TIPIN: variants seen among roughly 807,000 people sequenced by gnomAD.
TIPIN encodes the protein TIMELESS interacting protein, also known as TIMELESS-interacting protein.
In TIPIN, 29 loss-of-function variants were observed where a neutral mutation model predicts 35.6. The ratio of observed to expected loss-of-function variants is 0.82; its 90% CI spans 0.61 to 1.11. The LOEUF (loss-of-function observed/expected upper bound fraction) is 1.11. Among genes scored for constraint, TIPIN ranks in the 50% most tolerant of loss-of-function variants. The pLI is 0.00. For synonymous variants in TIPIN, 102 were observed against 121.5 expected (o/e 0.84, Z 1.06); for missense variants, 296 against 345.4 (o/e 0.86, Z 1.13).
upstream of TIPIN, among the ~76,000 whole-genome samples, chr15:66,358,586 T>A (rs191280316): frequency 5.5e-3 from 843 of 152,240 alleles, 10 homozygotes; most frequent in African/African-American, 0.019. Flanking sequence ...GCTAATTTTT[T>A]AAATTTTTTG....
intron 1 of TIPIN, among the ~76,000 whole-genome samples, chr15:66,353,609 C>G (rs1302158553): frequency 7.0e-6 from 1 of 142,790 alleles, no homozygotes; most frequent in African/African-American, 2.8e-5. Context: ...GACCAACACT[C>G]TGTCTCAAAA....
In TIPIN at chr15:66,341,299, A is replaced by G. The variant is rs956802987; in HGVS notation, c.533T>C (p.Leu178Pro). 2 of 1,613,866 alleles carry G rather than the reference A, an allele frequency of 1.2e-6. No individual in the cohort carries two copies. The highest frequency in any genetic ancestry group is 2.7e-5 in the African/African-American group (2 of 74,930). Residue 178 changes from leucine to proline, a missense_variant, in exon 7 of 8, where the codon CTG becomes CCG. By Grantham distance (98) the Leu-to-Pro change is moderately conservative. Transcript: ENST00000261881. ...DVTSTELDPF[L>P]TNLSESEMFA... is the part of the protein sequence containing the mutation. ...CATCTCACTTTCAGATAAGTTTGTC[A>G]GAAAGGGATCTAATTCAGTAGAAGT...
intron 1 of TIPIN, among the ~76,000 whole-genome samples, chr15:66,354,711 C>G (rs2093191879): frequency 6.6e-6 from 1 of 152,180 alleles, no homozygotes; most frequent in Admixed American, 6.6e-5. Flanking sequence ...ATCCCTCAGG[C>G]CACTGGCTCT....
chr15:66,340,605 CT>C lies in TIPIN; in HGVS notation c.682+544del, dbSNP rs563593238. Among the ~76,000 whole-genome samples the C allele has an allele frequency of 1.1e-4, 17 of 148,088 alleles. No homozygotes were observed. The East Asian group carries it at 2.2e-3, about 19-fold the overall frequency. On this transcript the variant is annotated intron_variant, in intron 7 of 7. Transcript: ENST00000261881. ...CAATTTCAAGTGATTAAAATAAATT[CT>C]TTTTTTTTTGAGAGCGTCTCACTCA...
chr15:66,356,782 A>G (rs2093207098), upstream of TIPIN: 1 of 971,670 alleles, frequency 1.0e-6, no homozygotes, highest in African/African-American at 1.8e-5. Context: ...GAGCCTGCAA[A>G]ACCCGCCTCT....
chr15:66,375,260 A>G (rs964802778), intron 1 of TIPIN, among the ~76,000 whole-genome samples: 1 of 151,998 alleles, frequency 6.6e-6, no homozygotes, highest in African/African-American at 2.4e-5. Flanking sequence ...ACTACACTTT[A>G]GCCTGGGTAA....
chr15:66,338,933 C>T (rs1271018605), intron 7 of TIPIN, among the ~76,000 whole-genome samples: 1 of 150,318 alleles, frequency 6.7e-6, no homozygotes, highest in Non-Finnish European at 1.5e-5. Flanking sequence ...GAGTTCAAGA[C>T]CACCCTGGCC....
chr15:66,370,427 G>C (rs1236163873), intron 1 of TIPIN, among the ~76,000 whole-genome samples: 1 of 150,642 alleles, frequency 6.6e-6, no homozygotes, highest in Non-Finnish European at 1.5e-5. Flanking sequence ...ATTGCATTCA[G>C]AATGTCGGAC....
intron 1 of TIPIN, among the ~76,000 whole-genome samples, chr15:66,364,165 T>C (rs1012191368): frequency 1.5e-5 from 2 of 135,546 alleles, no homozygotes; most frequent in Non-Finnish European, 3.2e-5. Context: ...TTTCTTTTTT[T>C]TTTTTTTTTT....
intron 1 of TIPIN, among the ~76,000 whole-genome samples, chr15:66,372,583 C>A (rs1309756340): frequency 6.6e-6 from 1 of 152,192 alleles, no homozygotes; most frequent in Non-Finnish European, 1.5e-5. Flanking sequence ...TCAACCACAG[C>A]CCACATATAT....
intron 1 of TIPIN, among the ~76,000 whole-genome samples, chr15:66,367,745 C>T (rs1329838368): frequency 6.8e-6 from 1 of 147,478 alleles, no homozygotes; most frequent in Non-Finnish European, 1.5e-5. Context: ...GTTTTTTTTC[C>T]AAGAAAAAAA....
chr15:66,380,450 T>C (rs2093314824), intron 1 of TIPIN, among the ~76,000 whole-genome samples: 1 of 152,234 alleles, frequency 6.6e-6, no homozygotes. Context: ...TGTCCAGTGC[T>C]ATCTCACTCT....
rs2093150310 is a variant in TIPIN, at chr15:66,349,203, T to C, written c.412-80A>G. 3.1e-6 allele frequency: 5 copies of C among 1,597,918 alleles called. No individual in the cohort carries two copies. The Admixed American group carries it at 8.5e-5, about 27-fold the overall frequency. ...GAGATAATTTGCTATTACTTTTCCC[T>C]CTCTACCAAAAGAGATTTCAAAATG... On this transcript the variant is annotated intron_variant, in intron 5 of 7. Coordinates refer to ENST00000261881, the MANE Select transcript of TIPIN (RefSeq NM_017858.3).
chr15:66,343,856 G>A (rs189865619), intron 6 of TIPIN, among the ~76,000 whole-genome samples: 2 of 152,128 alleles, frequency 1.3e-5, no homozygotes, highest in East Asian at 3.9e-4. Flanking sequence ...AAATTAGTCG[G>A]GCATGGTGGC....
At chr15:66,340,192 T>TTTTTA (rs2093075877) in intron 7 of TIPIN, among the ~76,000 whole-genome samples, 1 of 135,074 alleles carries the variant, frequency 7.4e-6, no homozygotes, top group African/African-American at 2.8e-5. Context: ...TTTTTTTTTT[T>TTTTTA]TTGAGATGGA....
chr15:66,367,234 A>ATATCTG lies in TIPIN; in HGVS notation c.-8-14280_-8-14279insCAGATA, dbSNP rs1280998579. Among the ~76,000 whole-genome samples the ATATCTG allele has an allele frequency of 8.0e-4, 105 of 130,778 alleles. 1 individual carries two copies. Among genetic ancestry groups the ATATCTG allele is most frequent in the African/African-American group, 2.6e-3 (100 of 38,044 alleles). 85.8% of individuals were successfully genotyped at this position (130,778 alleles called of 152,430 possible). A position where few individuals can be genotyped will look rare whatever the true frequency, so the allele number is the denominator to read the frequency against. Reference sequence around the variant, plus strand: ...TATATCTATATCTATATCTGTATCTATATCTATATCTATCTATATATCTAT... The same window carrying ATATCTG: ...TATATCTATATCTATATCTGTATCTATATCTGTATCTATATCTATCTATATATCTAT... On this transcript the variant is annotated intron_variant, in intron 1 of 7. Transcript: ENST00000562124.
intron 1 of TIPIN, among the ~76,000 whole-genome samples, chr15:66,373,217 G>C (rs758425474): frequency 1.8e-4 from 28 of 152,142 alleles, no homozygotes; most frequent in Non-Finnish European, 3.1e-4. Flanking sequence ...GTCATGGCCG[G>C]GCGCAGTGGC....
intron 1 of TIPIN, among the ~76,000 whole-genome samples, chr15:66,385,512 C>T (rs571706441): frequency 2.7e-5 from 4 of 150,618 alleles, no homozygotes; most frequent in South Asian, 4.2e-4. Context: ...TTTTTTGAGA[C>T]GGGGTCTCAC....
At chr15:66,370,554 T>C (rs1487259115) in intron 1 of TIPIN, among the ~76,000 whole-genome samples, 1 of 152,024 alleles carries the variant, frequency 6.6e-6, no homozygotes, top group Non-Finnish European at 1.5e-5. Context: ...CTGTAACTCT[T>C]TACTCAGTTA....
Sources: allele counts gnomAD v4.1 joint callset (sites outside exome capture counted in the v4.1 genomes callset), GRCh38; gene constraint gnomAD v4.1.1; transcripts MANE v1.5; gene names NCBI Gene and HGNC (gene_info 2026-07-23, HGNC 2026-07-21).